Variants in ZNF609 observed in about 807,000 individuals in gnomAD.
The protein encoded by ZNF609 is zinc finger protein 609.
ZNF609 carries 11 observed loss-of-function variants against 109.5 expected under a neutral mutation model. That is an observed-to-expected ratio of 0.10 (90% CI 0.06 to 0.17). The LOEUF is 0.17. Ranked by LOEUF, ZNF609 falls within the 10% of genes least tolerant of loss-of-function variation. The probability of loss-of-function intolerance (pLI) is 1.00; values close to 1 mark genes in which losing one functional copy is unlikely to be tolerated. For missense variants in ZNF609, 1,559 were observed against 1,772.4 expected (o/e 0.88, Z 2.16); for synonymous variants, 646 against 662.0 (o/e 0.98, Z 0.37).
chr15:64,535,552 T>A (rs1368344977), intron 2 of ZNF609, among the ~76,000 whole-genome samples: 6 of 152,198 alleles, frequency 3.9e-5, no homozygotes, highest in African/African-American at 1.4e-4. Context: ...GTTTCTAGTT[T>A]GGGACTATTA....
chr15:64,577,215 A>G (rs111207596), intron 2 of ZNF609, among the ~76,000 whole-genome samples: 1,569 of 15,428 alleles, frequency 0.1, 414 homozygotes, highest in East Asian at 0.35. Context: ...ATATATATGT[A>G]TATATATACA....
At chr15:64,552,804 G>A (rs968843386) in intron 2 of ZNF609, among the ~76,000 whole-genome samples, 20 of 152,150 alleles carry the variant, frequency 1.3e-4, no homozygotes, top group East Asian at 3.9e-4. Flanking sequence ...ACATGCAACC[G>A]TGCCTGACTA....
At position 64,680,843 on chromosome 15, in the gene ZNF609, C is replaced by T; in HGVS notation, c.4143C>T (p.Tyr1381=). ...HLGYSLLPAQ[Y]NLPYAAGLSS... ...GGTACTCATTGCTCCCAGCACAGTACAACTTACCCTATGCAGCAGGTAAGC... is the reference window on the plus strand; with the variant it reads ...GGTACTCATTGCTCCCAGCACAGTATAACTTACCCTATGCAGCAGGTAAGC... The change falls in exon 8 of 10, where the codon TAC becomes TAT. Residue 1381 remains tyrosine (Y), a synonymous_variant. Coordinates refer to ENST00000326648, the MANE Select transcript of ZNF609 (RefSeq NM_015042.2). 1 of 1,611,556 alleles carries T rather than the reference C, an allele frequency of 6.2e-7. No individual in the cohort carries two copies. Among genetic ancestry groups the T allele is most frequent in the Non-Finnish European group, 8.5e-7 (1 of 1,180,016 alleles).
intron 3 of ZNF609, among the ~76,000 whole-genome samples, chr15:64,626,666 T>A (rs574761150): frequency 1.3e-5 from 2 of 152,178 alleles, no homozygotes; most frequent in Non-Finnish European, 2.9e-5. Flanking sequence ...ATTCCTAGTT[T>A]CTTTGCCTAC....
intron 2 of ZNF609, among the ~76,000 whole-genome samples, chr15:64,534,335 A>G (rs1407167143): frequency 6.9e-6 from 1 of 145,152 alleles, no homozygotes; most frequent in African/African-American, 2.6e-5. Flanking sequence ...TTTTTAAGAT[A>G]GAGTCTCGCT....
At chr15:64,531,695 C>T (rs1408967837) in intron 2 of ZNF609, among the ~76,000 whole-genome samples, 1 of 152,102 alleles carries the variant, frequency 6.6e-6, no homozygotes, top group South Asian at 2.1e-4. Flanking sequence ...TTGTGCCCAG[C>T]CTTATTTCAG....
intron 3 of ZNF609, among the ~76,000 whole-genome samples, chr15:64,642,776 A>G (rs563464541): frequency 1.3e-5 from 2 of 152,330 alleles, no homozygotes; most frequent in South Asian, 4.1e-4. Flanking sequence ...CCTGGGTGAC[A>G]GAGCAAGACC....
intron 2 of ZNF609, among the ~76,000 whole-genome samples, chr15:64,584,943 T>C (rs1234500087): frequency 1.5e-5 from 2 of 137,390 alleles, no homozygotes; most frequent in African/African-American, 5.4e-5. Context: ...TTTAAAAATA[T>C]AAAAAATAAA....
chr15:64,645,316 C>G (rs1434128842), intron 3 of ZNF609, among the ~76,000 whole-genome samples: 1 of 151,962 alleles, frequency 6.6e-6, no homozygotes, highest in African/African-American at 2.4e-5. Flanking sequence ...GTGTTGAACT[C>G]CTGGGCTCAA....
chr15:64,531,030 T>C (rs547596122), intron 2 of ZNF609, among the ~76,000 whole-genome samples: 1 of 152,234 alleles, frequency 6.6e-6, no homozygotes, highest in Admixed American at 6.5e-5. Context: ...TTTCCTAATT[T>C]GTAATGTATA....
chr15:64,505,705 C>A (rs1005828127), intron 2 of ZNF609, among the ~76,000 whole-genome samples: 3 of 152,182 alleles, frequency 2.0e-5, no homozygotes, highest in Non-Finnish European at 4.4e-5. Context: ...GCCCAGAAAT[C>A]TGTACTTCCA....
intron 2 of ZNF609, among the ~76,000 whole-genome samples, chr15:64,536,262 C>T (rs1419815951): frequency 6.6e-6 from 1 of 152,136 alleles, no homozygotes; most frequent in Non-Finnish European, 1.5e-5. Context: ...ACTGCAGTGA[C>T]CCTCTCATCT....
At chr15:64,481,047 C>T (rs1419894531) in intron 1 of ZNF609, among the ~76,000 whole-genome samples, 3 of 152,056 alleles carry the variant, frequency 2.0e-5, no homozygotes, top group Admixed American at 6.5e-5. Flanking sequence ...ATAATTATAC[C>T]GTGATTAAGT....
At chr15:64,654,892 C>G (rs1023765605) in intron 3 of ZNF609, among the ~76,000 whole-genome samples, 2 of 151,610 alleles carry the variant, frequency 1.3e-5, no homozygotes, top group African/African-American at 4.8e-5. Flanking sequence ...GTCAGGAGAT[C>G]GAGACCATCC....
chr15:64,644,201 A>G (rs949349261), intron 3 of ZNF609, among the ~76,000 whole-genome samples: 3 of 152,210 alleles, frequency 2.0e-5, no homozygotes, highest in African/African-American at 7.2e-5. Context: ...AGAGGAAAAG[A>G]ATAAAGAAAA....
intron 1 of ZNF609, among the ~76,000 whole-genome samples, chr15:64,474,363 G>A (rs1345088012): frequency 2.0e-5 from 3 of 151,726 alleles, no homozygotes; most frequent in Non-Finnish European, 2.9e-5. Context: ...ACAGGCGTAC[G>A]CCACCATGCC....
chr15:64,602,587 A>G (rs1346238045), intron 2 of ZNF609, among the ~76,000 whole-genome samples: 1 of 151,966 alleles, frequency 6.6e-6, no homozygotes, highest in Admixed American at 6.6e-5. Context: ...ACTCATTTAA[A>G]TGTTGATGTT....
intron 3 of ZNF609, among the ~76,000 whole-genome samples, chr15:64,632,450 G>A (rs1383384281): frequency 6.6e-6 from 1 of 151,692 alleles, no homozygotes; most frequent in Non-Finnish European, 1.5e-5. Context: ...TAAATAAAGG[G>A]TTTTTTGTTT....
intron 3 of ZNF609, among the ~76,000 whole-genome samples, chr15:64,661,292 T>C (rs184992807): frequency 2.4e-4 from 37 of 152,300 alleles, no homozygotes; most frequent in African/African-American, 8.7e-4. Context: ...TGCTTACATG[T>C]TCCCTTATTT....
Sources: gnomAD v4.1 joint callset for allele counts (sites outside exome capture counted in the v4.1 genomes callset) on GRCh38, gnomAD v4.1.1 for gene constraint, MANE v1.5 for transcripts, NCBI Gene and HGNC (gene_info 2026-07-23, HGNC 2026-07-21) for gene names.